GOLGA6L22: variants seen among roughly 807,000 people sequenced by gnomAD.
GOLGA6L22 encodes golgin A6 family like 22.
A neutral mutation model predicts 77.1 loss-of-function variants in GOLGA6L22; 28 were observed. The ratio of observed to expected loss-of-function variants is 0.36; its 90% confidence interval spans 0.27 to 0.50. The LOEUF is 0.50. Ranked by LOEUF, GOLGA6L22 falls within the 20% of genes least tolerant of loss-of-function variation. The pLI is 0.97. For missense variants in GOLGA6L22, 250 were observed against 620.4 expected, an observed-to-expected ratio of 0.40 and a Z score of 6.34; for synonymous variants, 62 against 185.3, an observed-to-expected ratio of 0.33 and a Z score of 5.41.
exon 8 of GOLGA6L22, chr15:22,465,624 A>C: frequency 1.5e-6 from 1 of 656,962 alleles, no homozygotes; most frequent in African/African-American, 5.3e-5. Flanking sequence ...AGGGAGCAGG[A>C]GGAGATATGG....
At chr15:22,466,476 T>C (rs1595544038) in exon 8 of GOLGA6L22, 1 of 648,852 alleles carries the variant, frequency 1.5e-6, no homozygotes, top group African/African-American at 2.6e-5. Flanking sequence ...GAGAAGAAGA[T>C]ACGGGAGCAG....
intron 8 of GOLGA6L22, 103 bp downstream of exon 8, chr15:22,466,928 A>G: frequency 2.5e-6 from 1 of 397,902 alleles, no homozygotes; most frequent in South Asian, 2.5e-5. Flanking sequence ...GAGATCATAC[A>G]GAACGACCTC....
At chr15:22,463,235 C>A (rs1471195548) in intron 5 of GOLGA6L22, among the ~76,000 whole-genome samples, 2 of 149,010 alleles carry the variant, frequency 1.3e-5, no homozygotes, top group Admixed American at 1.3e-4. Flanking sequence ...AAGAAAGGTT[C>A]GAACAGTGGT....
exon 9 of GOLGA6L22, chr15:22,468,119 G>A (rs1422682840): frequency 1.3e-5 from 2 of 148,498 alleles, no homozygotes; most frequent in Non-Finnish European, 3.0e-5. Context: ...GCAGGTTTTA[G>A]GTTTTCTGAT....
At chr15:22,461,034 G>GTACCTGGCA in intron 2 of GOLGA6L22, 86 bp downstream of exon 2, 2 of 969,666 alleles carry the variant, frequency 2.1e-6, no homozygotes, top group Non-Finnish European at 2.9e-6. Context: ...AGAACTGCCA[G>GTACCTGGCA]GTACTGGCTA....
At chr15:22,466,130 C>A (rs1566906438) in exon 8 of GOLGA6L22, 1 of 959,698 alleles carries the variant, frequency 1.0e-6, no homozygotes, top group East Asian at 2.7e-5. Context: ...GATACGGGAG[C>A]AGGAGGAGAA....
In GOLGA6L22 at chr15:22,464,820, T is replaced by C. The variant is rs1168805359; in HGVS notation, c.634-206T>C. On this transcript the variant is annotated intron_variant, in intron 7 of 8. Coordinates refer to ENST00000622895, the Ensembl canonical transcript of GOLGA6L22. ...CCACCACCACACCCAGCTAATTTTT[T>C]GTATTTTTAGTAGAGACGGGGTTTC... Among the ~76,000 whole-genome samples, 2 of 123,446 alleles carry C rather than the reference T, an allele frequency of 1.6e-5. 1 individual carries two copies. Among genetic ancestry groups the C allele is most frequent in the Non-Finnish European group, 3.3e-5 (2 of 60,584 alleles). The allele number at this position is 123,446 out of a possible 152,430, so 81.0% of individuals were successfully genotyped here.
At position 22,461,930 on chromosome 15, in the gene GOLGA6L22, A is replaced by G; in HGVS notation, c.181-104A>G. The G allele has an allele frequency of 4.3e-6, 5 of 1,174,258 alleles. 2 individuals are homozygous for G. The Admixed American group carries it at 1.1e-4, about 25-fold the overall frequency. The allele number at this position is 1,174,258 out of a possible 1,614,324, so 72.7% of individuals were successfully genotyped here. ...ACAGGGTCCCTGATAAACTGGTCCC[A>G]TGGGTGGGCCTGTTCTGGGACAGTG... is the stretch of plus-strand genomic sequence containing the variant. On this transcript the variant is annotated intron_variant, in intron 2 of 8. Transcript: ENST00000622895.
chr15:22,466,267 A>G (rs1248555356), exon 8 of GOLGA6L22: 1 of 967,744 alleles, frequency 1.0e-6, no homozygotes, highest in Non-Finnish European at 1.5e-6. Flanking sequence ...AGGAGAAGAT[A>G]CGGGAGCAGA....
At chr15:22,468,793 C>T (rs1421537448) in exon 9 of GOLGA6L22, 2 of 42,568 alleles carry the variant, frequency 4.7e-5, no homozygotes, top group Non-Finnish European at 3.9e-5. Flanking sequence ...CTGCCTCAGC[C>T]TCCCAAAGTG....
exon 2 of GOLGA6L22, chr15:22,460,936 C>T: frequency 6.5e-7 from 1 of 1,533,382 alleles, no homozygotes; most frequent in Non-Finnish European, 8.8e-7. Flanking sequence ...GTGGTTGCCA[C>T]TCGCCTGAGG....
Position 22,465,802 on chromosome 15 carries a change from G to A in GOLGA6L22, c.1410G>A (p.Glu470=), listed in dbSNP as rs777020815. Residue 470 remains glutamate (E), a synonymous_variant, in exon 8 of 9, where the codon GAG becomes GAA. Coordinates refer to ENST00000622895, the Ensembl canonical transcript of GOLGA6L22. ...TACGGGAGCAGGAGAAGAAACGGGA[G>A]CAGGAGGAGAAGATGTGGAGGCAGG... The A allele has an allele frequency of 6.8e-5, 96 of 1,410,594 alleles. 15 individuals carry two copies. In the Middle Eastern group the frequency reaches 2.2e-3, roughly 33 times the overall value. 87.4% of individuals were successfully genotyped at this position (1,410,594 alleles called of 1,614,324 possible).
In GOLGA6L22 at chr15:22,466,379, C is replaced by A. The variant is rs781417888; in HGVS notation, c.1987C>A (p.Gln663Lys). ...GGAACAGGAAGAGAAGATGGGGGAG[C>A]AGGAGGAGAAGATTTGGGAGCAGGA... is the stretch of plus-strand genomic sequence containing the variant. Residue 663 changes from glutamine to lysine, a missense_variant, in exon 8 of 9, where the codon CAG becomes AAG. Coordinates refer to ENST00000622895, the Ensembl canonical transcript of GOLGA6L22. The A allele has an allele frequency of 5.5e-5, 78 of 1,410,298 alleles. 11 individuals carry two copies. In the South Asian group the frequency reaches 9.1e-4, roughly 16 times the overall value. The allele number at this position is 1,410,298 out of a possible 1,614,324, so 87.4% of individuals were successfully genotyped here. A position where few individuals can be genotyped will look rare whatever the true frequency, so the allele number is the denominator to read the frequency against.
rs1244924496 is a variant in GOLGA6L22 at position 22,466,693 on chromosome 15, G to A, written c.2301G>A (p.Glu767=). The A allele has an allele frequency of 1.0e-5, 6 of 587,438 alleles. 1 individual carries two copies. The highest frequency in any genetic ancestry group is 1.7e-5 in the Non-Finnish European group (6 of 343,930). The allele number at this position is 587,438 out of a possible 1,614,324, so 36.4% of individuals were successfully genotyped here. A position where few individuals can be genotyped will look rare whatever the true frequency, so the allele number is the denominator to read the frequency against. Reference sequence around the variant, plus strand: ...AGGAACAGGAAGAGAAGATGTGGGAGCAGGAGGAGAAGATGTGTGAGCAGG... The same window carrying A: ...AGGAACAGGAAGAGAAGATGTGGGAACAGGAGGAGAAGATGTGTGAGCAGG... Residue 767 remains glutamate, a synonymous_variant, in exon 8 of 9, where the codon GAG becomes GAA. Coordinates refer to ENST00000622895, the Ensembl canonical transcript of GOLGA6L22.
chr15:22,466,030 G>C, exon 8 of GOLGA6L22: 3 of 826,246 alleles, frequency 3.6e-6, no homozygotes, highest in Non-Finnish European at 5.5e-6. Context: ...GGGAGCAGGA[G>C]GAAAAGAGGC....
chr15:22,466,802 G>A (rs1226275205), exon 8 of GOLGA6L22: 1 of 554,586 alleles, frequency 1.8e-6, no homozygotes, highest in East Asian at 3.0e-5. Flanking sequence ...GCGGCAGCAG[G>A]AGGAGAAGAT....
In GOLGA6L22 at chr15:22,466,483, G is replaced by A. The variant is rs1484545134; in HGVS notation, c.2091G>A (p.Glu697=). Residue 697 remains glutamate (E), a synonymous_variant, in exon 8 of 9, where the codon GAG becomes GAA. Coordinates refer to ENST00000622895, the Ensembl canonical transcript of GOLGA6L22. ...GGGAGCAGGAGAAGAAGATACGGGA[G>A]CAGGAGGAGAAGATACGAGAGCAGG... 4 of 692,124 alleles carry A rather than the reference G, an allele frequency of 5.8e-6. No homozygotes were observed. The Admixed American group carries it at 7.0e-5, about 12-fold the overall frequency. The allele number at this position is 692,124 out of a possible 1,614,324, so 42.9% of individuals were successfully genotyped here.
chr15:22,463,747 T>C, intron 5 of GOLGA6L22, 94 bp from the exon 6 acceptor site: 1 of 523,782 alleles, frequency 1.9e-6, no homozygotes, highest in Non-Finnish European at 3.3e-6. Flanking sequence ...AGTGAGGAAG[T>C]GTTACTGTGG....
Position 22,465,824 on chromosome 15 carries a change from C to T in GOLGA6L22, c.1432C>T (p.Gln478Ter). 7.1e-7 allele frequency: 1 copy of T among 1,418,324 alleles called. No individual in the cohort carries two copies. The highest frequency in any genetic ancestry group is 9.3e-7 in the Non-Finnish European group (1 of 1,074,822). The allele number at this position is 1,418,324 out of a possible 1,614,324, so 87.9% of individuals were successfully genotyped here. The stretch of plus-strand genomic sequence containing the variant: ...GGAGCAGGAGGAGAAGATGTGGAGG[C>T]AGGAGGAGAAGATACGGGAGCAGGA... The change falls in exon 8 of 9, where the codon CAG becomes TAG. Residue 478 changes from glutamine (Q) to a stop codon, truncating the protein, a stop_gained. Transcript: ENST00000622895. LOFTEE classifies it high-confidence loss of function.
Sources: gnomAD v4.1 joint callset for allele counts (sites outside exome capture counted in the v4.1 genomes callset) on GRCh38, gnomAD v4.1.1 for gene constraint, MANE v1.5 for transcripts, NCBI Gene and HGNC (gene_info 2026-07-23, HGNC 2026-07-21) for gene names.